RPL21: variants seen among roughly 807,000 people sequenced by gnomAD.
RPL21 encodes large ribosomal subunit protein eL21.
Under a neutral mutation model 21.2 loss-of-function variants are expected in RPL21, and 1 was observed. The ratio of observed to expected loss-of-function variants is 0.05; its 90% CI spans 0.02 to 0.22. The LOEUF is 0.22. Ranked by LOEUF, RPL21 falls within the 10% of genes least tolerant of loss-of-function variation. The pLI is 1.00. For missense variants in RPL21, 113 were observed against 199.4 expected (o/e 0.57, Z 2.61); for synonymous variants, 52 against 62.9 (o/e 0.83, Z 0.82).
chr13:27,253,527 G>T (rs890085636), intron 1 of RPL21, among the ~76,000 whole-genome samples: 3 of 152,136 alleles, frequency 2.0e-5, no homozygotes, highest in Non-Finnish European at 2.9e-5. Flanking sequence ...TTGGATTCTC[G>T]TATCAAGTTC....
At position 27,256,063 on chromosome 13, in the gene RPL21, G is replaced by A. The variant is rs1204011176; in HGVS notation, c.243-121G>A. On this transcript the variant is annotated intron_variant, in intron 4 of 5. Transcript: ENST00000311549. ...TTAAGTAATCAAGGCATACTTTGTT[G>A]ATTTGTCATATCTGGGTAAAAGGTT... The A allele has an allele frequency of 2.7e-5, 21 of 767,662 alleles. No homozygotes were observed. The East Asian group carries it at 5.7e-4, about 21-fold the overall frequency. The allele number at this position is 767,662 out of a possible 1,614,324, so 47.6% of individuals were successfully genotyped here. A position where few individuals can be genotyped will look rare whatever the true frequency, so the allele number is the denominator to read the frequency against.
At position 27,254,392 on chromosome 13, in the gene RPL21, ATT is replaced by A. The variant is rs555263610; in HGVS notation, c.129+129_129+130del. ...TTGCATCTGTAAGAGTATAGAATGGATTTTTTTTTTTTTTTTTTTGGAGACGG... is the reference window on the plus strand; with the variant it reads ...TTGCATCTGTAAGAGTATAGAATGGATTTTTTTTTTTTTTTTTGGAGACGG... On this transcript the variant is annotated intron_variant, in intron 3 of 5. Transcript: ENST00000311549. The A allele has an allele frequency of 1.1e-3, 317 of 286,714 alleles. 1 individual carries two copies. Among genetic ancestry groups the A allele is most frequent in the African/African-American group, 8.5e-3 (223 of 26,234 alleles). The allele number at this position is 286,714 out of a possible 1,614,324, so 17.8% of individuals were successfully genotyped here.
At chr13:27,255,740 T>C in intron 4 of RPL21, 1 of 359,542 alleles carries the variant, frequency 2.8e-6, no homozygotes, top group South Asian at 2.2e-5. Flanking sequence ...CCCAGCTAAA[T>C]TTTTTGTATT....
chr13:27,254,199 A>G (rs765489589), intron 2 of RPL21, 21 bp from the exon 3 acceptor site: 27 of 1,505,704 alleles, frequency 1.8e-5, no homozygotes, highest in Middle Eastern at 1.8e-4. Flanking sequence ...AATACTCACT[A>G]TACCAAATTT....
At chr13:27,253,579 T>C in intron 1 of RPL21, 186 bp from the exon 2 acceptor site, 1 of 540,344 alleles carries the variant, frequency 1.9e-6, no homozygotes, top group Non-Finnish European at 3.4e-6. Context: ...TGGGCAGTTT[T>C]GCCAAAAGAC....
intron 3 of RPL21, chr13:27,254,531 A>C: frequency 2.0e-6 from 1 of 490,968 alleles, no homozygotes; most frequent in Non-Finnish European, 3.7e-6. Context: ...AATAGCTGGG[A>C]TTACAGGCGT....
chr13:27,256,155 G>A, intron 4 of RPL21, 29 bp from the exon 5 acceptor site: 1 of 1,551,992 alleles, frequency 6.4e-7, no homozygotes, highest in South Asian at 1.2e-5. Flanking sequence ...TTTTGTTAAA[G>A]CACTTAAAAG....
chr13:27,254,253 A>G lies in RPL21; in HGVS notation c.101A>G (p.Tyr34Cys). 6.3e-7 allele frequency: 1 copy of G among 1,599,130 alleles called. No homozygotes were observed. The highest frequency in any genetic ancestry group is 1.1e-5 in the South Asian group (1 of 90,766). Residue 34 changes from tyrosine to cysteine, a missense_variant, in exon 3 of 6, where the codon TAT (tyrosine) becomes TGT (cysteine). Transcript: ENST00000311549. ...CCTTTGGCCACATATATGCGAATCTATAAGAAAGGTGATATTGTAGACATC... is the reference window on the plus strand; with the variant it reads ...CCTTTGGCCACATATATGCGAATCTGTAAGAAAGGTGATATTGTAGACATC... ...VVPLATYMRI[Y>C]KKGDIVDIKG... is the part of the protein sequence containing the mutation.
chr13:27,253,949 C>A (rs1211445969), intron 2 of RPL21, 106 bp downstream of exon 2: 1 of 776,724 alleles, frequency 1.3e-6, no homozygotes, highest in Non-Finnish European at 2.3e-6. Flanking sequence ...AATTAAATAA[C>A]TAGCGTCTAC....
At chr13:27,256,409 T>C in intron 5 of RPL21, 27 bp from the exon 6 acceptor site, 1 of 1,572,834 alleles carries the variant, frequency 6.4e-7, no homozygotes, top group Non-Finnish European at 8.8e-7. Flanking sequence ...CATAATTATT[T>C]TATTCCCTTT....
intron 3 of RPL21, 36 bp from the exon 4 acceptor site, chr13:27,255,206 G>A (rs780695726): frequency 1.2e-6 from 1 of 854,904 alleles, no homozygotes; most frequent in Admixed American, 1.7e-5. Flanking sequence ...TAAAGGAAGG[G>A]GAAATGCTGG....
chr13:27,252,077 C>T (rs1593259878), intron 1 of RPL21, among the ~76,000 whole-genome samples: 2 of 152,090 alleles, frequency 1.3e-5, no homozygotes, highest in Admixed American at 1.3e-4. Context: ...CGGCTTTAAT[C>T]TTCTGTGAAG....
chr13:27,254,854 G>A (rs1489556127), intron 3 of RPL21: 1 of 369,890 alleles, frequency 2.7e-6, no homozygotes, highest in Non-Finnish European at 5.2e-6. Context: ...ATTCTTAGCA[G>A]AATTTAAATT....
At position 27,254,392 on chromosome 13, in the gene RPL21, AT is replaced by A. The variant is rs555263610; in HGVS notation, c.129+130del. The A allele has an allele frequency of 9.9e-3, 2,833 of 286,514 alleles. 64 individuals are homozygous for A. Among genetic ancestry groups the A allele is most frequent in the African/African-American group, 0.094 (2,461 of 26,200 alleles). The allele number at this position is 286,514 out of a possible 1,614,324, so 17.7% of individuals were successfully genotyped here. A position where few individuals can be genotyped will look rare whatever the true frequency, so the allele number is the denominator to read the frequency against. ...TTGCATCTGTAAGAGTATAGAATGG[AT>A]TTTTTTTTTTTTTTTTTTGGAGACG... On this transcript the variant is annotated intron_variant, in intron 3 of 5. Coordinates refer to ENST00000311549, the MANE Select transcript of RPL21 (RefSeq NM_000982.4).
rs897834348 is a variant in RPL21 at position 27,254,460 on chromosome 13, A to C, written c.129+179A>C. On this transcript the variant is annotated intron_variant, in intron 3 of 5. Coordinates refer to ENST00000311549, the MANE Select transcript of RPL21 (RefSeq NM_000982.4). ...GCTCAGGCTGGAGTGCAATGGCATG[A>C]TCTCACCTCAACCTCCGCCTCCCTC... 14 of 543,482 alleles carry C rather than the reference A, an allele frequency of 2.6e-5. No homozygotes were observed. The South Asian group carries it at 3.0e-4, about 12-fold the overall frequency. The allele number at this position is 543,482 out of a possible 1,614,324, so 33.7% of individuals were successfully genotyped here.
chr13:27,253,113 G>A (rs754562910), intron 1 of RPL21, among the ~76,000 whole-genome samples: 4 of 152,206 alleles, frequency 2.6e-5, no homozygotes, highest in Non-Finnish European at 5.9e-5. Flanking sequence ...CCTCAGCTAC[G>A]AAAGTGTTCA....
chr13:27,251,869 A>AAAG (rs1881663551), intron 1 of RPL21: 2 of 152,262 alleles, frequency 1.3e-5, no homozygotes, highest in Non-Finnish European at 2.9e-5. Context: ...ACTCGAGTTA[A>AAAG]TCTTTAAAAG....
chr13:27,255,457 G>C (rs778212560), intron 4 of RPL21, 103 bp downstream of exon 4: 4 of 773,610 alleles, frequency 5.2e-6, no homozygotes, highest in Non-Finnish European at 9.6e-6. Flanking sequence ...TTCAAGTGGG[G>C]CAAAGGAAAT....
chr13:27,252,235 G>T (rs996737430), intron 1 of RPL21, among the ~76,000 whole-genome samples: 1 of 152,150 alleles, frequency 6.6e-6, no homozygotes, highest in Non-Finnish European at 1.5e-5. Flanking sequence ...CGGACGAAGG[G>T]AAAGTGTTTT....
Sources: allele counts gnomAD v4.1 joint callset (sites outside exome capture counted in the v4.1 genomes callset), GRCh38; gene constraint gnomAD v4.1.1; transcripts MANE v1.5; gene names NCBI Gene and HGNC (gene_info 2026-07-23, HGNC 2026-07-21).